Variants in CIST1 observed in about 807,000 individuals in gnomAD.
CIST1 encodes uncharacterized LOC729966.
chr19:18,251,624 G>A, the CIST1 span, among the ~76,000 whole-genome samples: 1 of 141,088 alleles, frequency 7.1e-6, no homozygotes, highest in Non-Finnish European at 1.5e-5. Context: ...TAATAGAGAC[G>A]GGGTTTCACC....
At chr19:18,250,574 A>T in the CIST1 span, 69 of 397,364 alleles carry the variant, frequency 1.7e-4, no homozygotes, top group East Asian at 2.4e-3. Context: ...CAGGAAGCTG[A>T]CCTCTCTTCC....
At chr19:18,253,955 C>A in the CIST1 span, among the ~76,000 whole-genome samples, 1 of 152,264 alleles carries the variant, frequency 6.6e-6, no homozygotes, top group South Asian at 2.1e-4. Context: ...AAACTTTGTG[C>A]TTCCTCCTTG....
the CIST1 span, among the ~76,000 whole-genome samples, chr19:18,250,671 A>G: frequency 6.6e-6 from 1 of 152,098 alleles, no homozygotes; most frequent in South Asian, 2.1e-4. Context: ...CAGTAGTGCA[A>G]TCACAGCTCA....
the CIST1 span, among the ~76,000 whole-genome samples, chr19:18,254,364 C>T: frequency 6.6e-6 from 1 of 152,176 alleles, no homozygotes; most frequent in Non-Finnish European, 1.5e-5. Context: ...GACACAAGCC[C>T]TGTTGAGTGC....
At chr19:18,254,167 G>A in the CIST1 span, among the ~76,000 whole-genome samples, 2 of 152,226 alleles carry the variant, frequency 1.3e-5, no homozygotes, top group Non-Finnish European at 2.9e-5. Flanking sequence ...CAGAGTAGCA[G>A]AGGGTCTGGC....
At chr19:18,252,438 G>T in the CIST1 span, 1 of 399,094 alleles carries the variant, frequency 2.5e-6, no homozygotes, top group South Asian at 1.3e-4. Context: ...GCTGACAGGT[G>T]ATGTCTCCAT....
At chr19:18,250,430 C>T in the CIST1 span, 1 of 399,180 alleles carries the variant, frequency 2.5e-6, no homozygotes, top group Non-Finnish European at 4.4e-6. Flanking sequence ...CACCACCACA[C>T]TCGGGTTCCT....
At chr19:18,252,158 G>T in the CIST1 span, 2 of 399,198 alleles carry the variant, frequency 5.0e-6, no homozygotes, top group Non-Finnish European at 8.8e-6. Context: ...TCAGGGATTC[G>T]GAACTGGGGA....
the CIST1 span, chr19:18,252,599 T>G: frequency 1.5e-4 from 60 of 387,784 alleles, no homozygotes; most frequent in Non-Finnish European, 2.4e-4. Context: ...ACCCTCTCTC[T>G]CTCTCTTTCT....
At chr19:18,255,286 G>A in the CIST1 span, 1 of 399,386 alleles carries the variant, frequency 2.5e-6, no homozygotes, top group South Asian at 1.3e-4. The surrounding 1 kb of genome is among the most constrained non-coding windows in gnomAD (Gnocchi z 4.6). Flanking sequence ...AGCAGAAGTG[G>A]CGGCAGCTGG....
chr19:18,250,304 T>A, the CIST1 span: 1 of 398,976 alleles, frequency 2.5e-6, no homozygotes, highest in Non-Finnish European at 4.4e-6. Flanking sequence ...AGCCCAGCCC[T>A]ACCTTACCAT....
chr19:18,255,242 C>G, the CIST1 span: 1 of 397,756 alleles, frequency 2.5e-6, no homozygotes, highest in African/African-American at 2.1e-5. The surrounding 1 kb of genome is among the most constrained non-coding windows in gnomAD (Gnocchi z 4.6). Context: ...TATTGTAATT[C>G]ACACCAGCTT....
At chr19:18,250,003 G>A in the CIST1 span, 4,657 of 397,688 alleles carry the variant, frequency 0.012, 208 homozygotes, top group African/African-American at 0.087. Flanking sequence ...GTTTTCACAC[G>A]AGTCCATAAC....
At chr19:18,251,972 G>C in the CIST1 span, 2 of 397,684 alleles carry the variant, frequency 5.0e-6, no homozygotes, top group Non-Finnish European at 8.8e-6. Flanking sequence ...GAGCATTCTC[G>C]GGGCTGTACC....
chr19:18,251,540 T>C, the CIST1 span, among the ~76,000 whole-genome samples: 1 of 151,850 alleles, frequency 6.6e-6, no homozygotes, highest in Non-Finnish European at 1.5e-5. Flanking sequence ...GTTCAAGCGA[T>C]TCTCCTGCCT....
chr19:18,255,406 GGCGGA>G, the CIST1 span: 1 of 397,394 alleles, frequency 2.5e-6, no homozygotes, highest in East Asian at 3.6e-5. This position sits in a 1 kb window ranked among gnomAD's most constrained non-coding sequence, Gnocchi z 4.6. Flanking sequence ...GCTCCCTGCT[GGCGGA>G]GCGCGGGGCT....
At chr19:18,255,390 G>T in the CIST1 span, 1 of 397,988 alleles carries the variant, frequency 2.5e-6, no homozygotes, top group South Asian at 1.3e-4. The surrounding 1 kb of genome is among the most constrained non-coding windows in gnomAD (Gnocchi z 4.6). Context: ...TTGCACCTGC[G>T]TGTGCGCTCC....
At chr19:18,250,374 T>C in the CIST1 span, 1 of 399,026 alleles carries the variant, frequency 2.5e-6, no homozygotes, top group East Asian at 3.6e-5. Flanking sequence ...CTCACAGCCA[T>C]GACCACAGAC....
the CIST1 span, among the ~76,000 whole-genome samples, chr19:18,251,124 G>C: frequency 8.7e-5 from 12 of 137,974 alleles, no homozygotes; most frequent in Non-Finnish European, 1.3e-4. Context: ...TTTTGAGATA[G>C]AGTCTTTTTT....
Sources: allele counts gnomAD v4.1 joint callset (sites outside exome capture counted in the v4.1 genomes callset), GRCh38; gene constraint gnomAD v4.1.1; non-coding constraint Gnocchi (gnomAD v3.1); transcripts MANE v1.5; gene names NCBI Gene and HGNC (gene_info 2026-07-23, HGNC 2026-07-21).